Variants in CADPS2 observed in about 807,000 individuals in gnomAD.
CADPS2 encodes calcium-dependent secretion activator 2.
CADPS2 carries 93 observed loss-of-function variants against 172.5 expected under a neutral mutation model. That is an observed-to-expected ratio of 0.54 (90% CI 0.46 to 0.64). The LOEUF is 0.64. Ranked by LOEUF, CADPS2 falls within the 30% of genes least tolerant of loss-of-function variation. CADPS2 has a pLI of 0.00. For synonymous variants in CADPS2, 546 were observed against 555.2 expected (o/e 0.98, Z 0.23); for missense variants, 1,420 against 1,565.9 (o/e 0.91, Z 1.57).
chr7:122,674,650 T>C (rs1302352377), intron 2 of CADPS2, among the ~76,000 whole-genome samples: 3 of 152,238 alleles, frequency 2.0e-5, no homozygotes, highest in Admixed American at 2.0e-4. Flanking sequence ...GCCCTTATTG[T>C]TCACACATTG....
At chr7:122,471,721 A>G (rs575196820) in intron 13 of CADPS2, among the ~76,000 whole-genome samples, 159 bp from the exon 14 acceptor site, 18 of 152,276 alleles carry the variant, frequency 1.2e-4, no homozygotes, top group African/African-American at 3.6e-4. Flanking sequence ...AATGTCATCA[A>G]TTTTGAAACT....
intron 1 of CADPS2, among the ~76,000 whole-genome samples, chr7:122,782,867 C>G (rs985492616): frequency 6.6e-6 from 1 of 152,084 alleles, no homozygotes; most frequent in South Asian, 2.1e-4. Flanking sequence ...TTTATTTCTA[C>G]TCAGTATTCC....
chr7:122,348,036 T>C (rs1053566435), intron 27 of CADPS2, among the ~76,000 whole-genome samples: 5 of 152,278 alleles, frequency 3.3e-5, no homozygotes, highest in African/African-American at 9.6e-5. Flanking sequence ...ACCAAGGTAG[T>C]TGGGTACAGC....
intron 28 of CADPS2, among the ~76,000 whole-genome samples, chr7:122,339,486 T>C (rs746106329): frequency 6.6e-6 from 1 of 152,220 alleles, no homozygotes; most frequent in African/African-American, 2.4e-5. Context: ...ATCAACATTG[T>C]AATAAACAGT....
At chr7:122,388,545 C>T (rs754202568) in intron 23 of CADPS2, 38 bp downstream of exon 23, 21 of 1,536,358 alleles carry the variant, frequency 1.4e-5, no homozygotes, top group Non-Finnish European at 1.6e-5. Context: ...TTTTTGGGTG[C>T]TGGCACATTA....
chr7:122,652,085 T>C (rs914166646), intron 3 of CADPS2, among the ~76,000 whole-genome samples: 13 of 152,204 alleles, frequency 8.5e-5, no homozygotes, highest in African/African-American at 2.9e-4. Context: ...ATCTACTCAT[T>C]TTGGAGAACC....
intron 2 of CADPS2, among the ~76,000 whole-genome samples, chr7:122,715,844 CAAT>C (rs1354199930): frequency 6.6e-6 from 1 of 151,996 alleles, no homozygotes; most frequent in African/African-American, 2.4e-5. Flanking sequence ...CTAGCAGAAA[CAAT>C]AATGACATGA....
chr7:122,794,891 G>A (rs917911078), intron 1 of CADPS2, among the ~76,000 whole-genome samples: 3 of 152,000 alleles, frequency 2.0e-5, no homozygotes, highest in African/African-American at 7.2e-5. Flanking sequence ...ATGAAATTAA[G>A]GGACATATCA....
At chr7:122,786,756 ATT>A (rs916370491) in intron 1 of CADPS2, among the ~76,000 whole-genome samples, 1 of 150,898 alleles carries the variant, frequency 6.6e-6, no homozygotes, top group Non-Finnish European at 1.5e-5. Flanking sequence ...CCATATCCCC[ATT>A]TTTTTTTCTA....
At chr7:122,787,974 C>A (rs977184683) in intron 1 of CADPS2, among the ~76,000 whole-genome samples, 4 of 152,126 alleles carry the variant, frequency 2.6e-5, no homozygotes, top group Non-Finnish European at 4.4e-5. Context: ...AAGATCCTGA[C>A]AAATAGAACT....
chr7:122,783,093 G>A (rs1223698979), intron 1 of CADPS2, among the ~76,000 whole-genome samples: 1 of 151,650 alleles, frequency 6.6e-6, no homozygotes, highest in Non-Finnish European at 1.5e-5. Flanking sequence ...GCGGGCGCCT[G>A]TGGTCCCAGC....
At chr7:122,368,920 T>A (rs925363794) in intron 25 of CADPS2, among the ~76,000 whole-genome samples, 2 of 152,106 alleles carry the variant, frequency 1.3e-5, no homozygotes, top group Non-Finnish European at 2.9e-5. Context: ...AAATAAGTCA[T>A]GTGAGGACAC....
Position 122,663,463 on chromosome 7 carries a change from C to A in CADPS2, c.560G>T (p.Ser187Ile), listed in dbSNP as rs375529507. 6.2e-7 allele frequency: 1 copy of A among 1,613,938 alleles called. No individual in the cohort carries two copies. The highest frequency in any genetic ancestry group is 2.2e-5 in the East Asian group (1 of 44,878). Reference protein sequence around the residue: ...FKKNIEKRVRSLPEIDGLSKE... With the variant: ...FKKNIEKRVRILPEIDGLSKE... ...GCTCAAGCCATCTATTTCTGGCAAA[C>A]TCCGCACACGTTTTTCTATGTTTTT... The change falls in exon 3 of 30, where the codon AGT becomes ATT. Residue 187 changes from serine (S) to isoleucine (I), a missense_variant. Transcript: ENST00000449022.
intron 1 of CADPS2, among the ~76,000 whole-genome samples, chr7:122,760,705 C>T (rs1368457630): frequency 6.0e-5 from 9 of 151,206 alleles, no homozygotes; most frequent in Non-Finnish European, 1.3e-4. Flanking sequence ...AGCAAACTAT[C>T]GCAAGGACAA....
chr7:122,374,144 T>C (rs970007549), intron 25 of CADPS2, among the ~76,000 whole-genome samples: 3 of 152,002 alleles, frequency 2.0e-5, no homozygotes, highest in Admixed American at 6.6e-5. Flanking sequence ...GAATGAAGGA[T>C]AAAAATCACC....
chr7:122,606,858 T>C (rs2073627880), intron 6 of CADPS2, among the ~76,000 whole-genome samples: 1 of 152,224 alleles, frequency 6.6e-6, no homozygotes, highest in South Asian at 2.1e-4. Flanking sequence ...GTCTATATTA[T>C]TAAATCAGTA....
intron 9 of CADPS2, among the ~76,000 whole-genome samples, chr7:122,505,598 G>A (rs2059551404): frequency 6.6e-6 from 1 of 151,964 alleles, no homozygotes. Context: ...TAGATAATTG[G>A]GCCTAGAGAT....
At chr7:122,398,558 A>G (rs531279248) in intron 20 of CADPS2, among the ~76,000 whole-genome samples, 7 of 152,344 alleles carry the variant, frequency 4.6e-5, no homozygotes, top group African/African-American at 1.7e-4. Flanking sequence ...ACTAAAAATT[A>G]TATCAACCCT....
intron 25 of CADPS2, among the ~76,000 whole-genome samples, chr7:122,363,281 C>A (rs2040419809): frequency 6.6e-6 from 1 of 152,168 alleles, no homozygotes; most frequent in Admixed American, 6.5e-5. Flanking sequence ...ACTGGGTGAT[C>A]TCATTTGCCA....
Sources: allele counts gnomAD v4.1 joint callset (sites outside exome capture counted in the v4.1 genomes callset), GRCh38; gene constraint gnomAD v4.1.1; transcripts MANE v1.5; gene names NCBI Gene and HGNC (gene_info 2026-07-23, HGNC 2026-07-21).